Variants in KCTD8 observed in about 807,000 individuals in gnomAD.
KCTD8 encodes BTB/POZ domain-containing protein KCTD8.
A neutral mutation model predicts 31.5 loss-of-function variants in KCTD8; 27 were observed. The observed-to-expected ratio is 0.86, with a 90% CI of 0.63 to 1.18. The LOEUF (loss-of-function observed/expected upper bound fraction) is 1.18, where lower values mean the gene tolerates loss of function less well. Among genes scored for constraint, KCTD8 ranks in the 50% most tolerant of loss-of-function variants. KCTD8 has a pLI of 0.00. For missense variants in KCTD8, 658 were observed against 647.7 expected (o/e 1.02, Z -0.17); for synonymous variants, 290 against 280.0 (o/e 1.04, Z -0.36).
chr4:44,325,558 G>A (rs1485520473), intron 1 of KCTD8, among the ~76,000 whole-genome samples: 1 of 151,802 alleles, frequency 6.6e-6, no homozygotes, highest in African/African-American at 2.4e-5. Flanking sequence ...AATCCATGCT[G>A]TGCTTATTTC....
In KCTD8 at chr4:44,445,446, A is replaced by G. The variant is rs1473313730; in HGVS notation, c.961+2117T>C. Among the ~76,000 whole-genome samples the G allele has an allele frequency of 6.6e-5, 10 of 152,318 alleles. No individual in the cohort carries two copies. In the South Asian group the frequency reaches 1.9e-3, roughly 28 times the overall value. On this transcript the variant is annotated intron_variant, in intron 1 of 1. Transcript: ENST00000360029. ...TTAATAATATGAGTACTCTGAAAGT[A>G]GTTATTCATAATATGAATATTTAAC...
intron 1 of KCTD8, among the ~76,000 whole-genome samples, chr4:44,413,376 A>G (rs1170693446): frequency 6.6e-6 from 1 of 152,192 alleles, no homozygotes; most frequent in Non-Finnish European, 1.5e-5. Context: ...ACTTTAAAAC[A>G]CAATCTTTGG....
intron 1 of KCTD8, among the ~76,000 whole-genome samples, chr4:44,445,378 C>T (rs1721914440): frequency 6.6e-6 from 1 of 152,086 alleles, no homozygotes; most frequent in Non-Finnish European, 1.5e-5. Flanking sequence ...TAGGTTGCCT[C>T]CTTAGATTTC....
intron 1 of KCTD8, among the ~76,000 whole-genome samples, chr4:44,381,582 T>C (rs1720067617): frequency 6.6e-6 from 1 of 152,038 alleles, no homozygotes; most frequent in African/African-American, 2.4e-5. Context: ...TATTGTTTGG[T>C]TGTTTGTCCC....
chr4:44,224,023 C>CCT (rs761242887), intron 1 of KCTD8, among the ~76,000 whole-genome samples: 1 of 152,034 alleles, frequency 6.6e-6, no homozygotes, highest in Admixed American at 6.6e-5. Context: ...TTTCTTGCTT[C>CCT]CTCTCTCTCT....
At chr4:44,384,077 C>A (rs1046591121) in intron 1 of KCTD8, among the ~76,000 whole-genome samples, 2 of 151,646 alleles carry the variant, frequency 1.3e-5, no homozygotes, top group Non-Finnish European at 2.9e-5. Context: ...AAATCCTAAT[C>A]ATCAGGGAAA....
At chr4:44,441,187 C>A (rs1721801410) in intron 1 of KCTD8, among the ~76,000 whole-genome samples, 1 of 151,928 alleles carries the variant, frequency 6.6e-6, no homozygotes, top group African/African-American at 2.4e-5. Context: ...TTATTCTGAT[C>A]TTTAGGTAAG....
chr4:44,279,986 A>G (rs763216532), intron 1 of KCTD8, among the ~76,000 whole-genome samples: 49 of 152,058 alleles, frequency 3.2e-4, no homozygotes, highest in Non-Finnish European at 6.0e-4. Flanking sequence ...TTATTTTTTT[A>G]TGATCAAGTT....
chr4:44,246,778 G>A (rs1439814731), intron 1 of KCTD8, among the ~76,000 whole-genome samples: 1 of 151,966 alleles, frequency 6.6e-6, no homozygotes, highest in Non-Finnish European at 1.5e-5. Context: ...GAAGACTGCT[G>A]CCAAATCCAG....
intron 1 of KCTD8, among the ~76,000 whole-genome samples, chr4:44,181,278 G>A (rs187157253): frequency 4.9e-4 from 72 of 146,560 alleles, no homozygotes; most frequent in African/African-American, 1.8e-3. Context: ...TCTTTCCACC[G>A]TCTCCCTCTG....
intron 1 of KCTD8, among the ~76,000 whole-genome samples, chr4:44,343,846 T>G (rs1265506282): frequency 6.6e-6 from 1 of 151,900 alleles, no homozygotes; most frequent in Non-Finnish European, 1.5e-5. Context: ...GTTTTTTTTG[T>G]TGTTGTTGTT....
intron 1 of KCTD8, among the ~76,000 whole-genome samples, chr4:44,242,795 T>A (rs1400388596): frequency 1.3e-5 from 2 of 152,036 alleles, no homozygotes. Context: ...TCATAAGATC[T>A]GGGTCTTTAA....
At chr4:44,264,851 A>G (rs538097346) in intron 1 of KCTD8, among the ~76,000 whole-genome samples, 1 of 152,284 alleles carries the variant, frequency 6.6e-6, no homozygotes, top group Non-Finnish European at 1.5e-5. Context: ...GGTGCATGCC[A>G]TTGCCCAGGC....
chr4:44,243,881 C>T (rs1345759518), intron 1 of KCTD8, among the ~76,000 whole-genome samples: 1 of 152,196 alleles, frequency 6.6e-6, no homozygotes, highest in African/African-American at 2.4e-5. Flanking sequence ...AGGTTATTCT[C>T]ATTATGCAAA....
intron 1 of KCTD8, among the ~76,000 whole-genome samples, chr4:44,410,219 C>T (rs1031331052): frequency 1.3e-5 from 2 of 152,052 alleles, no homozygotes; most frequent in Non-Finnish European, 2.9e-5. Flanking sequence ...ATAAATTATA[C>T]AGAAATTGCC....
rs1357220436 is a variant in KCTD8 at position 44,278,813 on chromosome 4, A to G, written c.962-103563T>C. ...TCAAAGAGTTGAACTCCCAGTCTCC[A>G]TTATTTCTCAGATATGGAGAGAACA... On this transcript the variant is annotated intron_variant, in intron 1 of 1. Transcript: ENST00000360029. 7.2e-5 allele frequency among the ~76,000 whole-genome samples: 11 copies of G among 152,164 alleles called. No individual in the cohort carries two copies. The East Asian group carries it at 2.1e-3, about 29-fold the overall frequency.
intron 1 of KCTD8, among the ~76,000 whole-genome samples, chr4:44,398,361 T>C (rs1720562574): frequency 6.6e-6 from 1 of 152,230 alleles, no homozygotes; most frequent in South Asian, 2.1e-4. Flanking sequence ...GATTAGATTC[T>C]GTATGCCACT....
intron 1 of KCTD8, among the ~76,000 whole-genome samples, chr4:44,283,074 T>C (rs1005834317): frequency 4.5e-5 from 6 of 133,386 alleles, no homozygotes; most frequent in African/African-American, 1.4e-4. Flanking sequence ...ATTATTATTA[T>C]TGAGACAGAG....
intron 1 of KCTD8, among the ~76,000 whole-genome samples, chr4:44,245,875 A>G (rs1374595372): frequency 6.6e-6 from 1 of 152,034 alleles, no homozygotes; most frequent in African/African-American, 2.4e-5. Flanking sequence ...TTGAATAGAG[A>G]TTCAGAACAA....
Sources: allele counts gnomAD v4.1 joint callset (sites outside exome capture counted in the v4.1 genomes callset), GRCh38; gene constraint gnomAD v4.1.1; transcripts MANE v1.5; gene names NCBI Gene and HGNC (gene_info 2026-07-23, HGNC 2026-07-21).